The following TUSC3 variants were observed in gnomAD, a reference collection of about 807,000 sequenced individuals.
TUSC3 encodes tumor suppressor candidate 3.
TUSC3 carries 45 observed loss-of-function variants against 44.8 expected under a neutral mutation model. The observed-to-expected ratio is 1.00, with a 90% CI of 0.79 to 1.29. TUSC3 has a LOEUF of 1.29. Among genes scored for constraint, TUSC3 ranks in the 50% most tolerant of loss-of-function variants. The pLI is 0.00. For missense variants in TUSC3, 519 were observed against 437.9 expected (o/e 1.19, Z -1.65); for synonymous variants, 212 against 152.9 (o/e 1.39, Z -2.85).
At position 15,435,851 on chromosome 8, in the gene TUSC3, A is replaced by G. The variant is rs538161069; in HGVS notation, n.91+18546A>G. Among the ~76,000 whole-genome samples, 3 of 152,058 alleles carry G rather than the reference A, an allele frequency of 2.0e-5. No homozygotes were observed. The South Asian group carries it at 6.2e-4, about 32-fold the overall frequency. On this transcript the variant is annotated intron_variant and non_coding_transcript_variant, in intron 1 of 5. Coordinates refer to the TUSC3 transcript ENST00000503191. Reference sequence around the variant, plus strand: ...CAATGGTTCTTTTTTTTCTTAATGTATTTTCTATCTTTGTAACAGATTACC... The same window carrying G: ...CAATGGTTCTTTTTTTTCTTAATGTGTTTTCTATCTTTGTAACAGATTACC...
chr8:15,799,988 G>T, the TUSC3 span, among the ~76,000 whole-genome samples: 1 of 152,186 alleles, frequency 6.6e-6, no homozygotes, highest in Admixed American at 6.5e-5. Context: ...TTGCACTACA[G>T]GAGAGGACCC....
chr8:15,771,601 A>G (rs1812440189), downstream of TUSC3, among the ~76,000 whole-genome samples: 1 of 152,154 alleles, frequency 6.6e-6, no homozygotes. Flanking sequence ...CAGTGTATAA[A>G]TAAACTGGAA....
chr8:15,693,148 G>T (rs1808997602), intron 6 of TUSC3, among the ~76,000 whole-genome samples: 1 of 152,232 alleles, frequency 6.6e-6, no homozygotes, highest in South Asian at 2.1e-4. Context: ...CATTTAGCCT[G>T]TTTACATTCA....
chr8:15,425,216 TAAAAG>T (rs1412497232), intron 1 of TUSC3, among the ~76,000 whole-genome samples: 2 of 152,184 alleles, frequency 1.3e-5, no homozygotes, highest in Admixed American at 6.5e-5. Context: ...TAAGAAATGT[TAAAAG>T]GAAACAGTGG....
At chr8:15,600,816 A>C (rs1804255609) in intron 1 of TUSC3, among the ~76,000 whole-genome samples, 1 of 151,664 alleles carries the variant, frequency 6.6e-6, no homozygotes, top group Admixed American at 6.6e-5. Context: ...CTTGCTTATA[A>C]AGGAATTTTA....
chr8:15,674,543 C>T (rs562130901), intron 6 of TUSC3, among the ~76,000 whole-genome samples: 23 of 152,030 alleles, frequency 1.5e-4, no homozygotes, highest in African/African-American at 5.3e-4. Context: ...GGCATGGCTT[C>T]TTGTACCCAT....
At chr8:15,442,937 A>T (rs556871506) in intron 1 of TUSC3, among the ~76,000 whole-genome samples, 2 of 151,912 alleles carry the variant, frequency 1.3e-5, no homozygotes, top group Non-Finnish European at 2.9e-5. Context: ...TAACTCCTCA[A>T]TCTGCCTTTA....
intron 1 of TUSC3, among the ~76,000 whole-genome samples, chr8:15,482,084 G>A (rs77314024): frequency 0.069 from 10,509 of 152,200 alleles, 388 homozygotes; most frequent in South Asian, 0.11. Context: ...TCTTCACCAG[G>A]AGTATATTCC....
At chr8:15,489,259 A>G (rs943652758) in intron 2 of TUSC3, among the ~76,000 whole-genome samples, 1 of 152,116 alleles carries the variant, frequency 6.6e-6, no homozygotes, top group African/African-American at 2.4e-5. Context: ...AAATTCAAAG[A>G]TTTTCTAATT....
intron 1 of TUSC3, among the ~76,000 whole-genome samples, chr8:15,582,197 C>T (rs561932616): frequency 9.8e-5 from 15 of 152,306 alleles, no homozygotes; most frequent in African/African-American, 2.6e-4. Flanking sequence ...CACTGGCCTG[C>T]GCCCACTGTC....
intron 4 of TUSC3, among the ~76,000 whole-genome samples, chr8:15,659,911 T>G (rs1807343077): frequency 6.6e-6 from 1 of 152,098 alleles, no homozygotes; most frequent in Non-Finnish European, 1.5e-5. Context: ...AAAAAACGTT[T>G]AAAACGTTTC....
chr8:15,538,175 T>C (rs1354340937), upstream of TUSC3, among the ~76,000 whole-genome samples: 1 of 152,228 alleles, frequency 6.6e-6, no homozygotes, highest in South Asian at 2.1e-4. Flanking sequence ...TATTACACCA[T>C]GACCAAATAA....
chr8:15,787,873 G>T, the TUSC3 span, among the ~76,000 whole-genome samples: 4 of 152,128 alleles, frequency 2.6e-5, no homozygotes, highest in Admixed American at 2.0e-4. Context: ...CACAAGCCCA[G>T]TATTTATTAA....
At chr8:15,662,648 T>A (rs1807476288) in intron 5 of TUSC3, among the ~76,000 whole-genome samples, 1 of 152,012 alleles carries the variant, frequency 6.6e-6, no homozygotes, top group Admixed American at 6.6e-5. Flanking sequence ...TTCAGCTATT[T>A]CTTTTCTGAC....
At chr8:15,639,280 T>C (rs1806253264) in intron 2 of TUSC3, among the ~76,000 whole-genome samples, 1 of 151,932 alleles carries the variant, frequency 6.6e-6, no homozygotes, top group Admixed American at 6.6e-5. Flanking sequence ...TCACATGATG[T>C]TCAGAGCTTC....
intron 1 of TUSC3, among the ~76,000 whole-genome samples, chr8:15,612,813 T>C (rs968584473): frequency 6.6e-6 from 1 of 152,104 alleles, no homozygotes; most frequent in Non-Finnish European, 1.5e-5. Flanking sequence ...GTGACAGATT[T>C]ATGGCATCTT....
intron 7 of TUSC3, 163 bp from the exon 8 acceptor site, chr8:15,743,375 G>T (rs1811274994): frequency 1.4e-6 from 1 of 711,308 alleles, no homozygotes; most frequent in Non-Finnish European, 2.4e-6. Flanking sequence ...AGGCATATTT[G>T]CTCACAAAGA....
intron 1 of TUSC3, among the ~76,000 whole-genome samples, chr8:15,593,997 G>A (rs533330765): frequency 6.6e-6 from 1 of 152,170 alleles, no homozygotes; most frequent in South Asian, 2.1e-4. Context: ...ACTTTGGCAT[G>A]TACTAACGAT....
intron 1 of TUSC3, among the ~76,000 whole-genome samples, chr8:15,444,115 A>C (rs898216163): frequency 1.3e-5 from 2 of 152,156 alleles, no homozygotes; most frequent in African/African-American, 4.8e-5. Flanking sequence ...TCCAGTGCTA[A>C]TTTTTGTATT....
Sources: gnomAD v4.1 joint callset for allele counts (sites outside exome capture counted in the v4.1 genomes callset) on GRCh38, gnomAD v4.1.1 for gene constraint, MANE v1.5 for transcripts, NCBI Gene and HGNC (gene_info 2026-07-23, HGNC 2026-07-21) for gene names.